Variants in CSMD1 observed in about 807,000 individuals in gnomAD.
The protein encoded by CSMD1 is CUB and Sushi multiple domains 1, also known as CUB and sushi domain-containing protein 1.
A neutral mutation model predicts 417.5 loss-of-function variants in CSMD1; 213 were observed. The ratio of observed to expected loss-of-function variants is 0.51; its 90% CI spans 0.46 to 0.57. The LOEUF is 0.57. CSMD1 is among the 20% of genes least tolerant of loss of function. CSMD1 has a pLI of 0.00. For missense variants in CSMD1, 6,923 were observed against 4,529.7 expected (o/e 1.53, Z -15.17); for synonymous variants, 2,862 against 1,736.8 (o/e 1.65, Z -16.11).
At chr8:3,343,474 T>C (rs1417277834) in intron 22 of CSMD1, 24 bp from the exon 23 acceptor site, 1 of 1,603,958 alleles carries the variant, frequency 6.2e-7, no homozygotes, top group Admixed American at 1.7e-5. Context: ...ACAGCATGAG[T>C]CCCTCTATGC....
chr8:3,644,435 G>C (rs951741254), intron 7 of CSMD1, among the ~76,000 whole-genome samples: 3 of 152,158 alleles, frequency 2.0e-5, no homozygotes, highest in African/African-American at 4.8e-5. Context: ...CCTTAAAATA[G>C]GCACGGTAGA....
chr8:4,757,439 G>A (rs1332257974), intron 1 of CSMD1, among the ~76,000 whole-genome samples: 1 of 152,106 alleles, frequency 6.6e-6, no homozygotes, highest in Non-Finnish European at 1.5e-5. Flanking sequence ...TGATCCTGGA[G>A]AGCAGGAAGG....
rs79895036 is a variant in CSMD1, at chr8:3,606,092, T to G, written c.1097+10618A>C. On this transcript the variant is annotated intron_variant, in intron 8 of 69. Transcript: ENST00000635120. ...ATACATGTATAAAACTCAAAGATGC[T>G]AGGAAACGTTGAAATCGGGAAATGA... Among the ~76,000 whole-genome samples the G allele has an allele frequency of 9.3e-3, 1,411 of 152,178 alleles. 28 individuals are homozygous for G. The highest frequency in any genetic ancestry group is 0.033 in the African/African-American group (1,356 of 41,510).
chr8:3,822,384 TA>T (rs143776323), intron 5 of CSMD1, among the ~76,000 whole-genome samples: 3,326 of 152,244 alleles, frequency 0.022, 109 homozygotes, highest in African/African-American at 0.072. Context: ...AAGCAAGCAG[TA>T]AAAAAGAGTC....
At chr8:3,954,667 C>A (rs1257236859) in intron 5 of CSMD1, among the ~76,000 whole-genome samples, 5 of 152,160 alleles carry the variant, frequency 3.3e-5, no homozygotes, top group Non-Finnish European at 5.9e-5. Flanking sequence ...TGGCCGGATC[C>A]CAGGACTTGT....
intron 1 of CSMD1, among the ~76,000 whole-genome samples, chr8:4,775,860 T>C (rs1388247227): frequency 6.6e-6 from 1 of 152,166 alleles, no homozygotes; most frequent in Non-Finnish European, 1.5e-5. Flanking sequence ...ATTTCTTCAA[T>C]GTAATGTACC....
At chr8:4,902,422 C>T (rs564366496) in intron 1 of CSMD1, among the ~76,000 whole-genome samples, 19 of 143,112 alleles carry the variant, frequency 1.3e-4, no homozygotes, top group African/African-American at 4.5e-4. Flanking sequence ...AAGAACCCAT[C>T]TCTAAAGAGG....
rs1049636608 is a variant in CSMD1 at position 3,329,154 on chromosome 8, C to G, written c.3631+14140G>C. ...AAGATATGTAATTGAAGGAGAGAGG[C>G]GATGCCATAGCACTCAAGAGGGCAT... On this transcript the variant is annotated intron_variant, in intron 23 of 69. Coordinates refer to ENST00000635120, the MANE Select transcript of CSMD1 (RefSeq NM_033225.6). Among the ~76,000 whole-genome samples the G allele has an allele frequency of 2.0e-5, 3 of 151,990 alleles. No homozygotes were observed. The South Asian group carries it at 6.2e-4, about 32-fold the overall frequency.
chr8:3,677,416 G>C (rs1799433113), intron 7 of CSMD1, among the ~76,000 whole-genome samples: 1 of 152,144 alleles, frequency 6.6e-6, no homozygotes, highest in Non-Finnish European at 1.5e-5. Context: ...CAATGCATGG[G>C]AAACAAACCT....
At chr8:3,857,281 G>A (rs1804377734) in intron 5 of CSMD1, among the ~76,000 whole-genome samples, 1 of 152,128 alleles carries the variant, frequency 6.6e-6, no homozygotes, top group African/African-American at 2.4e-5. Flanking sequence ...TCTTTAAACT[G>A]GGCCTTTAGC....
At chr8:3,952,388 T>A (rs2980779) in intron 5 of CSMD1, among the ~76,000 whole-genome samples, 12 of 152,056 alleles carry the variant, frequency 7.9e-5, no homozygotes, top group African/African-American at 2.9e-4. Context: ...TAATTCTACT[T>A]AGTTTCTTCA....
chr8:3,040,418 G>A (rs930061120), intron 50 of CSMD1, among the ~76,000 whole-genome samples: 20 of 120,590 alleles, frequency 1.7e-4, no homozygotes, highest in Non-Finnish European at 3.6e-4. Flanking sequence ...ATATATAACA[G>A]AAATATATAT....
At chr8:2,948,352 G>A (rs1563171568) in intron 68 of CSMD1, among the ~76,000 whole-genome samples, 1 of 151,796 alleles carries the variant, frequency 6.6e-6, no homozygotes, top group Non-Finnish European at 1.5e-5. Flanking sequence ...GACAAAAATA[G>A]GAAGCAGACG....
intron 12 of CSMD1, among the ~76,000 whole-genome samples, chr8:3,417,800 G>A (rs189995121): frequency 6.6e-6 from 1 of 152,066 alleles, no homozygotes; most frequent in Admixed American, 6.5e-5. Context: ...AAACAAGATT[G>A]CAGCACATAA....
intron 2 of CSMD1, among the ~76,000 whole-genome samples, chr8:4,542,373 T>C (rs931866069): frequency 6.6e-6 from 1 of 152,204 alleles, no homozygotes; most frequent in Non-Finnish European, 1.5e-5. Flanking sequence ...AAAGTTTTAA[T>C]TTTTAAGTTT....
chr8:3,401,824 G>C (rs899458270), intron 15 of CSMD1, among the ~76,000 whole-genome samples: 3 of 152,046 alleles, frequency 2.0e-5, no homozygotes, highest in Non-Finnish European at 4.4e-5. Flanking sequence ...TTCAAGAAAA[G>C]ACATTCCACC....
chr8:4,063,078 C>T (rs965669151), intron 3 of CSMD1, among the ~76,000 whole-genome samples: 4 of 152,170 alleles, frequency 2.6e-5, no homozygotes, highest in South Asian at 2.1e-4. Flanking sequence ...AGAAGAAAAA[C>T]GTTCTAATGT....
intron 3 of CSMD1, among the ~76,000 whole-genome samples, chr8:4,065,471 T>C (rs1799195445): frequency 6.6e-6 from 1 of 152,226 alleles, no homozygotes; most frequent in Non-Finnish European, 1.5e-5. Context: ...TTTTACTGAA[T>C]GTACATTAGC....
chr8:4,558,696 G>A (rs1034933125), intron 2 of CSMD1, among the ~76,000 whole-genome samples: 4 of 152,034 alleles, frequency 2.6e-5, no homozygotes, highest in Middle Eastern at 3.4e-3. Flanking sequence ...GTGAAACTCC[G>A]CCTCTACTAA....
Sources: allele counts gnomAD v4.1 joint callset (sites outside exome capture counted in the v4.1 genomes callset), GRCh38; gene constraint gnomAD v4.1.1; transcripts MANE v1.5; gene names NCBI Gene and HGNC (gene_info 2026-07-23, HGNC 2026-07-21).